The following LRCH3 variants were observed in gnomAD, a reference collection of about 807,000 sequenced individuals.
The protein encoded by LRCH3 is leucine rich repeats and calponin homology domain containing 3.
A neutral mutation model predicts 104.5 loss-of-function variants in LRCH3; 68 were observed. The ratio of observed to expected loss-of-function variants is 0.65; its 90% CI spans 0.54 to 0.80. The LOEUF is 0.80. Among genes scored for constraint, LRCH3 ranks in the 30% least tolerant of loss-of-function variants. The pLI is 0.00. For missense variants in LRCH3, 951 were observed against 953.9 expected (o/e 1.00, Z 0.04); for synonymous variants, 344 against 361.3 (o/e 0.95, Z 0.54).
chr3:197,820,191 T>C (rs1734327823), intron 3 of LRCH3, 134 bp from the exon 4 acceptor site: 1 of 668,460 alleles, frequency 1.5e-6, no homozygotes, highest in Non-Finnish European at 2.6e-6. Context: ...GGTAGTCTCT[T>C]TTCAGAACCA....
Position 197,883,215 on chromosome 3 carries a change from C to A in LRCH3, c.2209-326C>A. Reference sequence around the variant, plus strand: ...GCCTATTTTATAGACCTGTATTGACCTTTTATTCATCAGGGATAAAGGATG... The same window carrying A: ...GCCTATTTTATAGACCTGTATTGACATTTTATTCATCAGGGATAAAGGATG... On this transcript the variant is annotated intron_variant, in intron 20 of 20. Transcript: ENST00000425562. This position sits in a 1 kb window ranked among gnomAD's most constrained non-coding sequence, Gnocchi z 4.2. The A allele has an allele frequency of 9.7e-7, 1 of 1,029,770 alleles. No individual in the cohort carries two copies. Among genetic ancestry groups the A allele is most frequent in the East Asian group, 9.5e-5 (1 of 10,502 alleles). 63.8% of individuals were successfully genotyped at this position (1,029,770 alleles called of 1,614,324 possible).
chr3:197,883,316 GA>G lies in LRCH3; in HGVS notation c.2209-221del. 1 of 1,307,498 alleles carries G rather than the reference GA, an allele frequency of 7.6e-7. No individual in the cohort carries two copies. Among genetic ancestry groups the G allele is most frequent in the Non-Finnish European group, 9.7e-7 (1 of 1,026,822 alleles). The allele number at this position is 1,307,498 out of a possible 1,614,324, so 81.0% of individuals were successfully genotyped here. On this transcript the variant is annotated intron_variant, in intron 20 of 20. Transcript: ENST00000425562. This position sits in a 1 kb window ranked among gnomAD's most constrained non-coding sequence, Gnocchi z 4.2. The stretch of plus-strand genomic sequence containing the variant: ...TGCTACTTGTCAATTTTCCAATTTT[GA>G]AAATGATCTGTATGTACTTTTAGTT...
Position 197,839,392 on chromosome 3 carries a change from A to G in LRCH3, c.1323A>G (p.Gln441=). Residue 441 remains glutamine, a synonymous_variant, in exon 10 of 21, where the codon CAA becomes CAG. Transcript: ENST00000425562. ...KTEDMRRYLH[Q]NRVPAEPSSL... ...AAGATATGAGAAGATATTTACATCA[A>G]AACAGGTTTGAAAAACCAATTCTAC... 1 of 1,572,286 alleles carries G rather than the reference A, an allele frequency of 6.4e-7. No individual in the cohort carries two copies. The highest frequency in any genetic ancestry group is 1.2e-5 in the South Asian group (1 of 85,732).
chr3:197,853,651 T>C (rs1465372349), intron 13 of LRCH3, among the ~76,000 whole-genome samples: 1 of 152,256 alleles, frequency 6.6e-6, no homozygotes, highest in Non-Finnish European at 1.5e-5. Context: ...CACAGGAGTT[T>C]CTGGTATGGA....
At chr3:197,871,260 C>A in intron 18 of LRCH3, 65 bp from the exon 19 acceptor site, 2 of 1,218,294 alleles carry the variant, frequency 1.6e-6, no homozygotes, top group South Asian at 1.3e-5. Flanking sequence ...TTCATTATAA[C>A]TCCCTTATGT....
At chr3:197,871,017 C>G (rs949164947) in intron 18 of LRCH3, among the ~76,000 whole-genome samples, 1 of 151,758 alleles carries the variant, frequency 6.6e-6, no homozygotes, top group South Asian at 2.1e-4. Flanking sequence ...ATAAATATCA[C>G]ACTTACACAT....
At position 197,848,020 on chromosome 3, in the gene LRCH3, A is replaced by G. The variant is rs764878621; in HGVS notation, c.1529A>G (p.Lys510Arg). ...AGAGATGCTGTCCTGGACTTTGTCA[A>G]AGTGAGTCGTTTGAATGATGCTGTT... ...IQRDAVLDFV[K>R]QKASQSPQKQ... The change falls in exon 12 of 21, where the codon AAA (lysine) becomes AGA (arginine). Residue 510 changes from lysine (K) to arginine (R), a missense_variant and splice_region_variant. Transcript: ENST00000425562. 1.2e-6 allele frequency: 2 copies of G among 1,613,888 alleles called. No individual in the cohort carries two copies. The highest frequency in any genetic ancestry group is 1.7e-5 in the Admixed American group (1 of 59,984).
At chr3:197,796,654 G>GTT in intron 1 of LRCH3, among the ~76,000 whole-genome samples, 1 of 152,114 alleles carries the variant, frequency 6.6e-6, no homozygotes, top group Non-Finnish European at 1.5e-5. Context: ...AACAACCATA[G>GTT]TAAGTTGTAA....
chr3:197,882,843 A>G (rs978045694), intron 20 of LRCH3: 5 of 985,300 alleles, frequency 5.1e-6, no homozygotes, highest in Admixed American at 6.1e-5. Context: ...GTTCCCTGGA[A>G]TAATTCAGGC....
At chr3:197,812,982 A>C (rs1375661459) in intron 1 of LRCH3, among the ~76,000 whole-genome samples, 1 of 152,208 alleles carries the variant, frequency 6.6e-6, no homozygotes, top group Non-Finnish European at 1.5e-5. Flanking sequence ...GTTTCCACCC[A>C]GCAAAGCGCA....
At chr3:197,867,349 G>A (rs912677893) in intron 17 of LRCH3, among the ~76,000 whole-genome samples, 1 of 151,896 alleles carries the variant, frequency 6.6e-6, no homozygotes, top group Non-Finnish European at 1.5e-5. Flanking sequence ...CCAGGAGGTG[G>A]AGGCTGTAGT....
chr3:197,822,824 T>TC (rs1734641824), intron 4 of LRCH3: 1 of 148,892 alleles, frequency 6.7e-6, no homozygotes. Flanking sequence ...TTTTTTTTTT[T>TC]CTTGAGACGG....
At chr3:197,819,127 GAAAAAAAA>G (rs1192344643) in intron 3 of LRCH3, among the ~76,000 whole-genome samples, 7 of 133,376 alleles carry the variant, frequency 5.2e-5, no homozygotes, top group Non-Finnish European at 8.1e-5. Flanking sequence ...TTCCGTCTGG[GAAAAAAAA>G]AAAAAAAGAA....
chr3:197,824,969 G>T (rs1473736547), intron 4 of LRCH3, among the ~76,000 whole-genome samples: 1 of 152,196 alleles, frequency 6.6e-6, no homozygotes, highest in Non-Finnish European at 1.5e-5. Flanking sequence ...TCTCCTAGTA[G>T]CTTCCCAAGA....
At chr3:197,880,941 T>C in intron 20 of LRCH3, 1 of 1,397,654 alleles carries the variant, frequency 7.2e-7, no homozygotes, top group Non-Finnish European at 9.3e-7. Context: ...TTTTTTCTCC[T>C]GGTCATCCGT....
At chr3:197,829,774 C>A (rs1735683753) in intron 6 of LRCH3, 101 bp downstream of exon 6, 8 of 752,876 alleles carry the variant, frequency 1.1e-5, no homozygotes, top group African/African-American at 3.5e-5. Context: ...AGGGAAATAA[C>A]CTGTTTTAAC....
At chr3:197,880,769 T>G in intron 20 of LRCH3, 1 of 1,533,238 alleles carries the variant, frequency 6.5e-7, no homozygotes, top group Admixed American at 2.0e-5. Flanking sequence ...TAAAGGAGGT[T>G]TGTTTCTCAT....
At chr3:197,869,857 CTG>C (rs1199013847) in intron 17 of LRCH3, among the ~76,000 whole-genome samples, 2 of 146,970 alleles carry the variant, frequency 1.4e-5, no homozygotes, top group Non-Finnish European at 3.0e-5. Context: ...AAGCGATACA[CTG>C]TACCTGCAGG....
At chr3:197,843,996 G>T (rs775449303) in intron 10 of LRCH3, among the ~76,000 whole-genome samples, 1 of 152,206 alleles carries the variant, frequency 6.6e-6, no homozygotes, top group Non-Finnish European at 1.5e-5. Flanking sequence ...CAGGATAAAA[G>T]AGATGGTAGG....
Sources: allele counts gnomAD v4.1 joint callset (sites outside exome capture counted in the v4.1 genomes callset), GRCh38; gene constraint gnomAD v4.1.1; non-coding constraint Gnocchi (gnomAD v3.1); transcripts MANE v1.5; gene names NCBI Gene and HGNC (gene_info 2026-07-23, HGNC 2026-07-21).